CACNA1C: variants seen among roughly 807,000 people sequenced by gnomAD.
CACNA1C encodes calcium voltage-gated channel subunit alpha1 C, also known as voltage-dependent L-type calcium channel subunit alpha-1C.
Under a neutral mutation model 229.0 loss-of-function variants are expected in CACNA1C, and 30 were observed. The ratio of observed to expected loss-of-function variants is 0.13; its 90% CI spans 0.10 to 0.18. The LOEUF (loss-of-function observed/expected upper bound fraction) is 0.18, where lower values mean the gene tolerates loss of function less well. CACNA1C is among the 10% of genes least tolerant of loss of function. The pLI is 1.00. For missense variants in CACNA1C, 1,658 were observed against 2,845.0 expected (o/e 0.58, Z 9.49); for synonymous variants, 1,114 against 1,132.5 (o/e 0.98, Z 0.33).
chr12:2,017,211 A>G (rs1405829645), intron 1 of CACNA1C, among the ~76,000 whole-genome samples: 1 of 152,176 alleles, frequency 6.6e-6, no homozygotes, highest in Non-Finnish European at 1.5e-5. Context: ...TGAGACTGGG[A>G]TGGTGGCACT....
Position 2,139,370 on chromosome 12 carries a change from T to C in CACNA1C, c.477+18940T>C, listed in dbSNP as rs1042183118. Among the ~76,000 whole-genome samples, 6 of 151,300 alleles carry C rather than the reference T, an allele frequency of 4.0e-5. 1 individual carries two copies. In the Admixed American group the frequency reaches 4.0e-4, roughly 10 times the overall value. ...CACCTTAATCCAGTATAACCTCATT[T>C]TCACATGATTCCATCTGCAAAGACT... On this transcript the variant is annotated intron_variant, in intron 3 of 46. Coordinates refer to ENST00000399655, the MANE Select transcript of CACNA1C (RefSeq NM_000719.7).
chr12:2,606,745 C>A, intron 25 of CACNA1C, 82 bp downstream of exon 25: 1 of 1,290,114 alleles, frequency 7.8e-7, no homozygotes, highest in Non-Finnish European at 1.1e-6. Context: ...GGAGGGACAG[C>A]TCATTTTCTA....
chr12:2,306,125 TCC>T (rs2154479032), intron 3 of CACNA1C, among the ~76,000 whole-genome samples: 1 of 152,316 alleles, frequency 6.6e-6, no homozygotes, highest in African/African-American at 2.4e-5. Flanking sequence ...CAGATGCCTC[TCC>T]TCTGAGGGGA....
chr12:2,573,032 T>C lies in CACNA1C; in HGVS notation c.1895+5238T>C, dbSNP rs566221438. Among the ~76,000 whole-genome samples the C allele has an allele frequency of 1.5e-4, 23 of 151,134 alleles. No individual in the cohort carries two copies. In the South Asian group the frequency reaches 4.6e-3, roughly 30 times the overall value. ...TCCTCCTCCTCCTCCTTCTTCTTCC[T>C]TTTCTTCTTCTTCTTCTCTTCCCTC... On this transcript the variant is annotated intron_variant, in intron 13 of 46. Coordinates refer to ENST00000399655, the MANE Select transcript of CACNA1C (RefSeq NM_000719.7).
chr12:2,388,420 A>G (rs1161721650), intron 3 of CACNA1C, among the ~76,000 whole-genome samples: 1 of 152,238 alleles, frequency 6.6e-6, no homozygotes, highest in Non-Finnish European at 1.5e-5. Flanking sequence ...TTACATCTCA[A>G]TAATATGCAG....
intron 3 of CACNA1C, chr12:2,217,519 A>T (rs1266994709): frequency 6.6e-6 from 1 of 152,212 alleles, no homozygotes; most frequent in Non-Finnish European, 1.5e-5. Flanking sequence ...AAAGGAGAAA[A>T]TTTCAAAATT....
At chr12:2,064,920 G>T (rs894362626) in intron 1 of CACNA1C, among the ~76,000 whole-genome samples, 7 of 152,152 alleles carry the variant, frequency 4.6e-5, no homozygotes, top group Non-Finnish European at 1.0e-4. Flanking sequence ...CAGAGACCTG[G>T]GTATGGATAA....
intron 3 of CACNA1C, among the ~76,000 whole-genome samples, chr12:2,301,950 C>T (rs770632642): frequency 7.9e-5 from 12 of 152,100 alleles, no homozygotes; most frequent in Non-Finnish European, 1.5e-4. Context: ...AGTGTGGTTG[C>T]GAGGCTATTT....
At chr12:2,094,694 C>T (rs2073027527) in intron 1 of CACNA1C, among the ~76,000 whole-genome samples, 1 of 152,154 alleles carries the variant, frequency 6.6e-6, no homozygotes, top group South Asian at 2.1e-4. Context: ...GAGACTCATG[C>T]ATTCAGCCCC....
At chr12:2,577,021 GCACC>G (rs1239821327) in intron 13 of CACNA1C, among the ~76,000 whole-genome samples, 14 of 152,226 alleles carry the variant, frequency 9.2e-5, no homozygotes, top group African/African-American at 2.9e-4. Context: ...AGCAAGCTGA[GCACC>G]CCTCGTGATG....
intron 9 of CACNA1C, among the ~76,000 whole-genome samples, chr12:2,546,114 C>A (rs1214242731): frequency 6.6e-6 from 1 of 152,052 alleles, no homozygotes; most frequent in Non-Finnish European, 1.5e-5. Context: ...CTCTCCCATG[C>A]AGTGGCTTGT....
intron 1 of CACNA1C, among the ~76,000 whole-genome samples, chr12:2,077,362 C>A (rs900839128): frequency 6.6e-6 from 1 of 152,072 alleles, no homozygotes; most frequent in African/African-American, 2.4e-5. Flanking sequence ...GTCCAAGGTA[C>A]ATAATGTTTT....
intron 3 of CACNA1C, among the ~76,000 whole-genome samples, chr12:2,240,747 G>T (rs961113107): frequency 7.0e-5 from 10 of 143,608 alleles, no homozygotes; most frequent in Admixed American, 1.4e-4. Flanking sequence ...TGGTTAGGTG[G>T]GCACGCGTGG....
chr12:2,176,431 GT>G (rs892116132), intron 3 of CACNA1C, among the ~76,000 whole-genome samples: 6 of 152,226 alleles, frequency 3.9e-5, no homozygotes, highest in African/African-American at 1.4e-4. Flanking sequence ...TCTGACTCAC[GT>G]TTTTAAAGGG....
At chr12:2,381,835 A>G (rs934465864) in intron 3 of CACNA1C, among the ~76,000 whole-genome samples, 1 of 152,124 alleles carries the variant, frequency 6.6e-6, no homozygotes, top group Non-Finnish European at 1.5e-5. Flanking sequence ...GACTTTGACT[A>G]TGGGGATGCT....
intron 29 of CACNA1C, among the ~76,000 whole-genome samples, chr12:2,631,822 C>T (rs767259195): frequency 3.9e-5 from 6 of 152,140 alleles, no homozygotes; most frequent in Non-Finnish European, 5.9e-5. Flanking sequence ...GCCTGGGAAC[C>T]GAAAGGCCCC....
chr12:2,306,837 C>T (rs1216849247), intron 3 of CACNA1C, among the ~76,000 whole-genome samples: 2 of 152,220 alleles, frequency 1.3e-5, no homozygotes, highest in African/African-American at 4.8e-5. Context: ...AGAAGCTGAG[C>T]CCCTTCCCCT....
At chr12:2,174,009 A>C (rs1161957117) in intron 3 of CACNA1C, among the ~76,000 whole-genome samples, 3 of 152,084 alleles carry the variant, frequency 2.0e-5, no homozygotes, top group African/African-American at 4.8e-5. Flanking sequence ...GCAGACATCA[A>C]AGGGCGAGTT....
Position 2,679,332 on chromosome 12 carries a change from G to C in CACNA1C, c.5092-112G>C. 3 of 777,594 alleles carry C rather than the reference G, an allele frequency of 3.9e-6. No individual in the cohort carries two copies. Among genetic ancestry groups the C allele is most frequent in the Non-Finnish European group, 6.0e-6 (3 of 499,806 alleles). 48.2% of individuals were successfully genotyped at this position (777,594 alleles called of 1,614,324 possible). ...GCAGGGCTGTGCCTACCCGAAAGAAGGCAGCCCGCCTTCCCAGGCCCTGCA... is the reference window on the plus strand; with the variant it reads ...GCAGGGCTGTGCCTACCCGAAAGAACGCAGCCCGCCTTCCCAGGCCCTGCA... On this transcript the variant is annotated intron_variant, in intron 41 of 46. Coordinates refer to ENST00000399655, the MANE Select transcript of CACNA1C (RefSeq NM_000719.7). This position sits in a 1 kb window ranked among gnomAD's most constrained non-coding sequence, Gnocchi z 5.5.
Sources: gnomAD v4.1 joint callset for allele counts (sites outside exome capture counted in the v4.1 genomes callset) on GRCh38, gnomAD v4.1.1 for gene constraint, Gnocchi (gnomAD v3.1) non-coding constraint, MANE v1.5 for transcripts, NCBI Gene and HGNC (gene_info 2026-07-23, HGNC 2026-07-21) for gene names.